AGPAT4: variants seen among roughly 807,000 people sequenced by gnomAD.
AGPAT4 encodes 1-acylglycerol-3-phosphate O-acyltransferase 4.
In AGPAT4, 15 loss-of-function variants were observed where a neutral mutation model predicts 48.0. That is an observed-to-expected ratio of 0.31 (90% CI 0.21 to 0.48). AGPAT4 has a LOEUF of 0.48. Among genes scored for constraint, AGPAT4 ranks in the 20% least tolerant of loss-of-function variants. The pLI, the probability that AGPAT4 is intolerant of heterozygous loss-of-function variation, is 0.99. For missense variants in AGPAT4, 314 were observed against 482.5 expected (o/e 0.65, Z 3.27); for synonymous variants, 178 against 198.7 (o/e 0.90, Z 0.88).
rs1051160793 is a variant in AGPAT4, at chr6:161,148,571, C to A, written c.767+616G>T. On this transcript the variant is annotated intron_variant, in intron 6 of 8. Transcript: ENST00000320285. The surrounding 1 kb of genome is among the most constrained non-coding windows in gnomAD (Gnocchi z 5.5). The stretch of plus-strand genomic sequence containing the variant: ...AGAAGATGATCCACAGCACAACAAA[C>A]CAATACGGTCCCTGACCCGTCACAC... 5.3e-5 allele frequency among the ~76,000 whole-genome samples: 8 copies of A among 152,160 alleles called. No individual in the cohort carries two copies. The highest frequency in any genetic ancestry group is 1.9e-4 in the African/African-American group (8 of 41,448).
In AGPAT4 at chr6:161,158,022, A is replaced by G. The variant is rs60415197; in HGVS notation, c.349-3712T>C. Among the ~76,000 whole-genome samples the G allele has an allele frequency of 9.7e-3, 1,479 of 152,348 alleles. 24 individuals carry two copies. Among genetic ancestry groups the G allele is most frequent in the African/African-American group, 0.033 (1,387 of 41,582 alleles). On this transcript the variant is annotated intron_variant, in intron 3 of 8. Transcript: ENST00000320285. The surrounding 1 kb of genome is among the most constrained non-coding windows in gnomAD (Gnocchi z 5.3). ...GTTGAGACTCTGACATGGGCGTTCA[A>G]TAACTTGTAGCTATTATTTTCATCC...
chr6:161,165,459 C>G lies in AGPAT4; in HGVS notation c.348+789G>C. The G allele has an allele frequency of 1.9e-6, 1 of 519,410 alleles. No individual in the cohort carries two copies. Among genetic ancestry groups the G allele is most frequent in the South Asian group, 2.5e-5 (1 of 39,592 alleles). The allele number at this position is 519,410 out of a possible 1,614,324, so 32.2% of individuals were successfully genotyped here. A position where few individuals can be genotyped will look rare whatever the true frequency, so the allele number is the denominator to read the frequency against. On this transcript the variant is annotated intron_variant, in intron 3 of 8. Coordinates refer to ENST00000320285, the MANE Select transcript of AGPAT4 (RefSeq NM_020133.3). The surrounding 1 kb of genome is among the most constrained non-coding windows in gnomAD (Gnocchi z 5.5). ...GATTTCAGCAGCCCCCGTATCTGTTCTACAGGGCATTGTTCCCAGGTGCAA... is the reference window on the plus strand; with the variant it reads ...GATTTCAGCAGCCCCCGTATCTGTTGTACAGGGCATTGTTCCCAGGTGCAA...
At position 161,136,567 on chromosome 6, in the gene AGPAT4, A is replaced by G. The variant is rs781463190; in HGVS notation, c.1110T>C (p.Ser370=). The G allele has an allele frequency of 5.0e-6, 8 of 1,614,072 alleles. No individual in the cohort carries two copies. In the African/African-American group the frequency reaches 1.1e-4, roughly 22 times the overall value. Residue 370 remains serine (S), a synonymous_variant, in exon 9 of 9, where the codon TCT becomes TCC. Transcript: ENST00000320285. ...AGTCATTCAGTTTCTGCTTGCTGTCAGAGTTGCCGTAGGCAGAGCCCTTGT... is the reference window on the plus strand; with the variant it reads ...AGTCATTCAGTTTCTGCTTGCTGTCGGAGTTGCCGTAGGCAGAGCCCTTGT... The part of the protein sequence containing the change: ...EIDKGSAYGN[S]DSKQKLND
rs1321015405 is a variant in AGPAT4, at chr6:161,225,745, G to T, written c.178+6291C>A. Among the ~76,000 whole-genome samples, 1 of 152,134 alleles carries T rather than the reference G, an allele frequency of 6.6e-6. No individual in the cohort carries two copies. Among genetic ancestry groups the T allele is most frequent in the Non-Finnish European group, 1.5e-5 (1 of 68,022 alleles). ...GCGTGGACACACTTCAGAAGTAAAA[G>T]GTACCCGCAGGTGACAGAGGAAAAA... On this transcript the variant is annotated intron_variant, in intron 2 of 8. Coordinates refer to ENST00000320285, the MANE Select transcript of AGPAT4 (RefSeq NM_020133.3). This position sits in a 1 kb window ranked among gnomAD's most constrained non-coding sequence, Gnocchi z 5.0.
rs1783140010 is a variant in AGPAT4 at position 161,262,815 on chromosome 6, A to G, written c.-90+11123T>C. Among the ~76,000 whole-genome samples the G allele has an allele frequency of 6.6e-6, 1 of 152,194 alleles. No individual in the cohort carries two copies. The highest frequency in any genetic ancestry group is 6.5e-5 in the Admixed American group (1 of 15,286). On this transcript the variant is annotated intron_variant, in intron 1 of 8. Transcript: ENST00000320285. The surrounding 1 kb of genome is among the most constrained non-coding windows in gnomAD (Gnocchi z 4.9). ...AGTTCAAAAGATAACTCCAGTGAAA[A>G]AAACCTCTAGGAGAACATGAGGATA...
chr6:161,150,800 G>A lies in AGPAT4; in HGVS notation c.665-1511C>T, dbSNP rs778433168. On this transcript the variant is annotated intron_variant, in intron 5 of 8. Transcript: ENST00000320285. ...CCCAGGCATTTTAAAGCATAAATGC[G>A]TATCTACAGGAACAGCTGTTCAGGC... Among the ~76,000 whole-genome samples the A allele has an allele frequency of 1.9e-4, 29 of 152,300 alleles. No individual in the cohort carries two copies. In the Middle Eastern group the frequency reaches 0.01, roughly 54 times the overall value.
At chr6:161,205,066 C>G (rs1781344182) in intron 2 of AGPAT4, among the ~76,000 whole-genome samples, 1 of 152,184 alleles carries the variant, frequency 6.6e-6, no homozygotes. Context: ...TCTGCAGGCA[C>G]TCTGTGCTGG....
At position 161,153,415 on chromosome 6, in the gene AGPAT4, G is replaced by T. The variant is rs776145197; in HGVS notation, c.595C>A (p.Arg199Ser). ...MQVARAKGLPRLKHHLLPRTK... is the reference protein window; with the variant it reads ...MQVARAKGLPSLKHHLLPRTK... ...CGTGGCAACAGGTGATGCTTGAGGC[G>T]AGGCAGCCCCTTGGCCCGGGCCACC... is the stretch of plus-strand genomic sequence containing the variant. Residue 199 changes from arginine (R) to serine (S), a missense_variant, in exon 5 of 9, where the codon CGC becomes AGC. By Grantham distance (110) the Arg-to-Ser change is moderately radical (BLOSUM62 -1). Coordinates refer to ENST00000320285, the MANE Select transcript of AGPAT4 (RefSeq NM_020133.3). 1.9e-6 allele frequency: 3 copies of T among 1,611,848 alleles called. No individual in the cohort carries two copies. Among genetic ancestry groups the T allele is most frequent in the Non-Finnish European group, 2.5e-6 (3 of 1,179,062 alleles).
Position 161,225,954 on chromosome 6 carries a change from C to T in AGPAT4, c.178+6082G>A, listed in dbSNP as rs1781968903. Among the ~76,000 whole-genome samples, 3 of 152,254 alleles carry T rather than the reference C, an allele frequency of 2.0e-5. No individual in the cohort carries two copies. In the South Asian group the frequency reaches 6.2e-4, roughly 32 times the overall value. ...TTAAATTCCTTTCCATCCGACTTGA[C>T]TCGCCAAAGCCACTGTTGTTCAGCT... On this transcript the variant is annotated intron_variant, in intron 2 of 8. Coordinates refer to ENST00000320285, the MANE Select transcript of AGPAT4 (RefSeq NM_020133.3). The surrounding 1 kb of genome is among the most constrained non-coding windows in gnomAD (Gnocchi z 5.0).
chr6:161,192,142 C>CTTTTTTTTTTTTTTTTTTTTTTTTTTT, intron 2 of AGPAT4, among the ~76,000 whole-genome samples: 1 of 45,612 alleles, frequency 2.2e-5, no homozygotes, highest in Non-Finnish European at 3.5e-5. Context: ...AGAAGTTATA[C>CTTTTTTTTTTTTTTTTTTTTTTTTTTT]TTTTTTTTTT....
Position 161,226,370 on chromosome 6 carries a change from GGGA to G in AGPAT4, c.178+5663_178+5665del, listed in dbSNP as rs752429307. 6.6e-6 allele frequency among the ~76,000 whole-genome samples: 1 copy of G among 152,226 alleles called. No homozygotes were observed. The highest frequency in any genetic ancestry group is 2.4e-5 in the African/African-American group (1 of 41,448). ...AAGCAGCCCTGTCATTAATCAGGCAGGGAGGAGAAGCATAGAGGAAGCCGGCTG... is the reference window on the plus strand; with the variant it reads ...AAGCAGCCCTGTCATTAATCAGGCAGGGAGAAGCATAGAGGAAGCCGGCTG... On this transcript the variant is annotated intron_variant, in intron 2 of 8. Coordinates refer to ENST00000320285, the MANE Select transcript of AGPAT4 (RefSeq NM_020133.3). The surrounding 1 kb of genome is among the most constrained non-coding windows in gnomAD (Gnocchi z 6.3).
Position 161,141,915 on chromosome 6 carries a change from T to C in AGPAT4, c.844-2295A>G, listed in dbSNP as rs900081903. Among the ~76,000 whole-genome samples the C allele has an allele frequency of 6.6e-6, 1 of 152,126 alleles. No individual in the cohort carries two copies. The highest frequency in any genetic ancestry group is 1.5e-5 in the Non-Finnish European group (1 of 68,012). On this transcript the variant is annotated intron_variant, in intron 7 of 8. Transcript: ENST00000320285. The surrounding 1 kb of genome is among the most constrained non-coding windows in gnomAD (Gnocchi z 6.7). ...TCTCACTCTGTCGCACAGGCTGGAG[T>C]GCAATGGCACGATCTCCTCTCACTG...
At position 161,143,531 on chromosome 6, in the gene AGPAT4, C is replaced by T. The variant is rs146912921; in HGVS notation, c.843+2993G>A. Among the ~76,000 whole-genome samples the T allele has an allele frequency of 6.6e-6, 1 of 152,170 alleles. No individual in the cohort carries two copies. Among genetic ancestry groups the T allele is most frequent in the African/African-American group, 2.4e-5 (1 of 41,436 alleles). On this transcript the variant is annotated intron_variant, in intron 7 of 8. Transcript: ENST00000320285. The surrounding 1 kb of genome is among the most constrained non-coding windows in gnomAD (Gnocchi z 4.7). ...ACAATTAAGAAACCGTGATGGCTAT[C>T]GTGACCTCCCTGGAAAAAAGGGGGT...
intron 2 of AGPAT4, among the ~76,000 whole-genome samples, chr6:161,199,758 G>T (rs903850302): frequency 6.6e-6 from 1 of 152,142 alleles, no homozygotes; most frequent in Non-Finnish European, 1.5e-5. Context: ...CTCCGGCCAC[G>T]TAAAGATGTG....
rs1450878381 is a variant in AGPAT4, at chr6:161,155,697, GA to G, written c.349-1388del. ...ATTCTCTCCAAGAAAACTTAGCCAT[GA>G]AATCGGAGGCCCTATCTCCAGGGGA... On this transcript the variant is annotated intron_variant, in intron 3 of 8. Coordinates refer to ENST00000320285, the MANE Select transcript of AGPAT4 (RefSeq NM_020133.3). This position sits in a 1 kb window ranked among gnomAD's most constrained non-coding sequence, Gnocchi z 5.8. 1.3e-5 allele frequency among the ~76,000 whole-genome samples: 2 copies of G among 152,240 alleles called. No homozygotes were observed. Among genetic ancestry groups the G allele is most frequent in the African/African-American group, 4.8e-5 (2 of 41,466 alleles).
intron 3 of AGPAT4, among the ~76,000 whole-genome samples, chr6:161,157,954 GT>G (rs569699302): frequency 3.9e-4 from 59 of 152,282 alleles, no homozygotes; most frequent in Middle Eastern, 6.8e-3. Context: ...TGGTGTCCCT[GT>G]AAAGACTGAA....
In AGPAT4 at chr6:161,206,521, G is replaced by C. The variant is rs1222641431; in HGVS notation, c.178+25515C>G. Among the ~76,000 whole-genome samples, 1 of 152,118 alleles carries C rather than the reference G, an allele frequency of 6.6e-6. No homozygotes were observed. The highest frequency in any genetic ancestry group is 6.5e-5 in the Admixed American group (1 of 15,280). On this transcript the variant is annotated intron_variant, in intron 2 of 8. Transcript: ENST00000320285. The surrounding 1 kb of genome is among the most constrained non-coding windows in gnomAD (Gnocchi z 4.8). ...TCTACCCTTACCTGGCAATAATAAG[G>C]TGGCATCCCTTGACCCAGTGACACA...
rs183573178 is a variant in AGPAT4 at position 161,264,847 on chromosome 6, C to A, written c.-90+9091G>T. Among the ~76,000 whole-genome samples, 11 of 152,178 alleles carry A rather than the reference C, an allele frequency of 7.2e-5. No individual in the cohort carries two copies. Among genetic ancestry groups the A allele is most frequent in the African/African-American group, 2.6e-4 (11 of 41,520 alleles). On this transcript the variant is annotated intron_variant, in intron 1 of 8. Coordinates refer to ENST00000320285, the MANE Select transcript of AGPAT4 (RefSeq NM_020133.3). The surrounding 1 kb of genome is among the most constrained non-coding windows in gnomAD (Gnocchi z 6.8). ...AGGGAGGGACACAGCAGTTATGGAA[C>A]CCCTAGGGTCACCCAGGACTAGTTA...
rs1464963359 is a variant in AGPAT4 at position 161,220,520 on chromosome 6, T to C, written c.178+11516A>G. Among the ~76,000 whole-genome samples, 3 of 152,190 alleles carry C rather than the reference T, an allele frequency of 2.0e-5. No homozygotes were observed. The highest frequency in any genetic ancestry group is 1.9e-4 in the East Asian group (1 of 5,176). On this transcript the variant is annotated intron_variant, in intron 2 of 8. Transcript: ENST00000320285. The surrounding 1 kb of genome is among the most constrained non-coding windows in gnomAD (Gnocchi z 6.0). ...GCCTTGGTGAGATGACTTCATTTTA[T>C]AGTTCCTCAAGCAGAGCAAGTAGAG...
Sources: allele counts gnomAD v4.1 joint callset (sites outside exome capture counted in the v4.1 genomes callset), GRCh38; gene constraint gnomAD v4.1.1; non-coding constraint Gnocchi (gnomAD v3.1); transcripts MANE v1.5; gene names NCBI Gene and HGNC (gene_info 2026-07-23, HGNC 2026-07-21).